The following DOCK10 variants were observed in gnomAD, a reference collection of about 807,000 sequenced individuals.
DOCK10 encodes the protein dedicator of cytokinesis protein 10.
DOCK10 carries 145 observed loss-of-function variants against 280.1 expected under a neutral mutation model. The ratio of observed to expected loss-of-function variants is 0.52; its 90% CI spans 0.45 to 0.59. DOCK10 has a LOEUF of 0.59. Ranked by LOEUF, DOCK10 falls within the 20% of genes least tolerant of loss-of-function variation. The probability of loss-of-function intolerance (pLI) is 0.00; values close to 1 mark genes in which losing one functional copy is unlikely to be tolerated. For missense variants in DOCK10, 2,368 were observed against 2,651.7 expected, an observed-to-expected ratio of 0.89 and a Z score of 2.35; for synonymous variants, 915 against 942.2, an observed-to-expected ratio of 0.97 and a Z score of 0.53.
intron 1 of DOCK10, among the ~76,000 whole-genome samples, chr2:224,994,900 T>C (rs892212050): frequency 2.0e-5 from 3 of 152,204 alleles, no homozygotes; most frequent in Non-Finnish European, 2.9e-5. Context: ...ACAGTTTCTG[T>C]GCGTCAGGAA....
chr2:224,960,493 A>T (rs368905676), intron 1 of DOCK10, among the ~76,000 whole-genome samples: 28 of 152,310 alleles, frequency 1.8e-4, no homozygotes, highest in African/African-American at 6.3e-4. Flanking sequence ...TTTGCATCAG[A>T]AAGTACTAAA....
chr2:224,905,339 C>T (rs964607653), intron 3 of DOCK10, among the ~76,000 whole-genome samples: 1 of 150,060 alleles, frequency 6.7e-6, no homozygotes, highest in South Asian at 2.1e-4. Context: ...GCTCCGCTTC[C>T]CGGGTTCACG....
intron 1 of DOCK10, among the ~76,000 whole-genome samples, chr2:224,937,156 T>C (rs1702736922): frequency 6.6e-6 from 1 of 152,204 alleles, no homozygotes; most frequent in Non-Finnish European, 1.5e-5. Flanking sequence ...CTTACTTAAA[T>C]ACTCATGTGT....
intron 13 of DOCK10, among the ~76,000 whole-genome samples, chr2:224,863,471 C>T (rs374781074): frequency 1.7e-3 from 258 of 151,484 alleles, no homozygotes; most frequent in African/African-American, 6.0e-3. Context: ...TTTTTTTAGA[C>T]GGAGTCTCGC....
In DOCK10 at chr2:224,863,656, G is replaced by A. The variant is rs548206842; in HGVS notation, c.1602+897C>T. ...TTTAGTAGAGACGGGGTTTCACCAT[G>A]TTAGCCAGGATGGTCTCCATCTCTT... On this transcript the variant is annotated intron_variant, in intron 13 of 55. Transcript: ENST00000258390. Among the ~76,000 whole-genome samples, 4 of 152,258 alleles carry A rather than the reference G, an allele frequency of 2.6e-5. No homozygotes were observed. In the East Asian group the frequency reaches 7.7e-4, roughly 29 times the overall value.
intron 1 of DOCK10, among the ~76,000 whole-genome samples, chr2:224,933,199 C>A (rs1702497028): frequency 6.6e-6 from 1 of 152,166 alleles, no homozygotes; most frequent in Non-Finnish European, 1.5e-5. Flanking sequence ...TATGGCATGA[C>A]TTGGGGAGTG....
intron 1 of DOCK10, among the ~76,000 whole-genome samples, chr2:225,023,343 AC>A (rs777601633): frequency 2.0e-5 from 3 of 152,066 alleles, no homozygotes; most frequent in African/African-American, 7.2e-5. Flanking sequence ...GCCCAAAACA[AC>A]TTCTAATAAC....
chr2:224,844,873 C>A (rs1340110638), intron 21 of DOCK10, 34 bp from the exon 22 acceptor site: 3 of 1,406,196 alleles, frequency 2.1e-6, no homozygotes, highest in East Asian at 2.3e-5. Flanking sequence ...GTCACTGGGA[C>A]AATTCGAGAG....
At chr2:225,013,343 A>T (rs921645383) in intron 1 of DOCK10, among the ~76,000 whole-genome samples, 2 of 152,188 alleles carry the variant, frequency 1.3e-5, no homozygotes, top group East Asian at 3.8e-4. Context: ...TGATCACTCA[A>T]AAGTACATCC....
At chr2:224,988,986 C>T (rs1706053389) in intron 1 of DOCK10, among the ~76,000 whole-genome samples, 1 of 152,174 alleles carries the variant, frequency 6.6e-6, no homozygotes, top group African/African-American at 2.4e-5. Flanking sequence ...AGAAAAGAGG[C>T]TACTTTGGGT....
At chr2:224,890,192 C>A (rs1487757004) in intron 4 of DOCK10, among the ~76,000 whole-genome samples, 1 of 152,204 alleles carries the variant, frequency 6.6e-6, no homozygotes, top group Non-Finnish European at 1.5e-5. Flanking sequence ...CCTCTTTGGC[C>A]AGCATGGCTT....
At chr2:224,781,123 GTATC>G (rs1352983614) in intron 50 of DOCK10, among the ~76,000 whole-genome samples, 3 of 152,102 alleles carry the variant, frequency 2.0e-5, no homozygotes, top group Non-Finnish European at 4.4e-5. Context: ...AAAAATCTCT[GTATC>G]TATAAAGCAA....
At chr2:224,907,512 C>T (rs1475838765) in intron 3 of DOCK10, among the ~76,000 whole-genome samples, 1 of 151,988 alleles carries the variant, frequency 6.6e-6, no homozygotes, top group Non-Finnish European at 1.5e-5. Flanking sequence ...ATGGTGAAAC[C>T]CTGTCTCTAC....
intron 48 of DOCK10, among the ~76,000 whole-genome samples, chr2:224,787,616 C>T (rs921922359): frequency 5.3e-5 from 8 of 152,176 alleles, no homozygotes; most frequent in African/African-American, 1.2e-4. Context: ...TGTGAAATGC[C>T]TTCAGATCTG....
At chr2:225,008,357 G>A (rs57124746) in intron 1 of DOCK10, among the ~76,000 whole-genome samples, 5,315 of 152,244 alleles carry the variant, frequency 0.035, 196 homozygotes, top group African/African-American at 0.095. Flanking sequence ...GCTAGATTGT[G>A]AGTAGTGGAC....
At chr2:224,790,640 T>C (rs537654392) in intron 47 of DOCK10, among the ~76,000 whole-genome samples, 2 of 152,054 alleles carry the variant, frequency 1.3e-5, no homozygotes, top group East Asian at 1.9e-4. Context: ...CTTTTTATAA[T>C]AATATTAAAC....
At chr2:225,035,569 T>TG (rs1336950981) in intron 1 of DOCK10, among the ~76,000 whole-genome samples, 526 of 51,892 alleles carry the variant, frequency 0.01, 7 homozygotes, top group African/African-American at 0.025. Flanking sequence ...TATATATATA[T>TG]ATATATATAT....
chr2:224,958,718 A>G (rs1704195067), intron 1 of DOCK10, among the ~76,000 whole-genome samples: 1 of 152,182 alleles, frequency 6.6e-6, no homozygotes, highest in Non-Finnish European at 1.5e-5. Context: ...TTTCTGCCTA[A>G]GCGGGACTGT....
At chr2:224,787,968 C>T (rs1267979024) in intron 48 of DOCK10, among the ~76,000 whole-genome samples, 1 of 152,132 alleles carries the variant, frequency 6.6e-6, no homozygotes, top group Non-Finnish European at 1.5e-5. Flanking sequence ...ATACTTTTAT[C>T]TGTGTTATAG....
Sources: gnomAD v4.1 joint callset for allele counts (sites outside exome capture counted in the v4.1 genomes callset) on GRCh38, gnomAD v4.1.1 for gene constraint, MANE v1.5 for transcripts, NCBI Gene and HGNC (gene_info 2026-07-23, HGNC 2026-07-21) for gene names.